Variants in KIAA0753 observed in about 807,000 individuals in gnomAD.
KIAA0753 encodes KIAA0753.
KIAA0753 carries 114 observed loss-of-function variants against 116.9 expected under a neutral mutation model. The ratio of observed to expected loss-of-function variants is 0.98; its 90% CI spans 0.84 to 1.14. KIAA0753 has a LOEUF of 1.14. KIAA0753 is among the 50% of genes most tolerant of loss of function. KIAA0753 has a pLI of 0.00. For missense variants in KIAA0753, 1,156 were observed against 1,172.4 expected, an observed-to-expected ratio of 0.99 and a Z score of 0.20; for synonymous variants, 405 against 413.1, an observed-to-expected ratio of 0.98 and a Z score of 0.24.
At chr17:6,599,447 G>C in intron 13 of KIAA0753, 127 bp from the exon 14 acceptor site, 2 of 657,976 alleles carry the variant, frequency 3.0e-6, no homozygotes. Context: ...TAGGCTTTTT[G>C]CAGCAATTCA....
At chr17:6,588,152 T>C (rs1051903656) in intron 18 of KIAA0753, among the ~76,000 whole-genome samples, 8 of 151,990 alleles carry the variant, frequency 5.3e-5, no homozygotes, top group Non-Finnish European at 7.4e-5. Flanking sequence ...TAAGTGACAA[T>C]CCCTTCCTCA....
intron 1 of KIAA0753, among the ~76,000 whole-genome samples, chr17:6,636,629 G>A (rs113697344): frequency 9.9e-5 from 15 of 151,782 alleles, no homozygotes; most frequent in African/African-American, 3.6e-4. Context: ...GTCCCAATTT[G>A]TCCCTCTACA....
intron 1 of KIAA0753, chr17:6,636,511 T>TAC (rs992160648): frequency 5.3e-5 from 8 of 152,160 alleles, no homozygotes; most frequent in Admixed American, 3.3e-4. Context: ...CACACACACA[T>TAC]ACACACACAC....
chr17:6,595,345 A>C (rs899471187), intron 15 of KIAA0753, among the ~76,000 whole-genome samples: 1 of 152,244 alleles, frequency 6.6e-6, no homozygotes, highest in Non-Finnish European at 1.5e-5. Context: ...CTGACTCCTT[A>C]GAGTGTATTT....
At chr17:6,640,125 C>G (rs1352549155) in intron 1 of KIAA0753, 1 of 152,616 alleles carries the variant, frequency 6.6e-6, no homozygotes, top group African/African-American at 2.4e-5. Flanking sequence ...CACAGCGCGT[C>G]TCCCACTCCG....
chr17:6,586,967 G>C lies in KIAA0753; in HGVS notation c.2786+2812C>G, dbSNP rs549583773. Among the ~76,000 whole-genome samples the C allele has an allele frequency of 5.3e-5, 8 of 152,306 alleles. No homozygotes were observed. In the South Asian group the frequency reaches 1.7e-3, roughly 32 times the overall value. Reference sequence around the variant, plus strand: ...ATAAACTAAAAAAGAAGAGATAGTGGCTCATGCCTGTAATCCCAGCACTTT... The same window carrying C: ...ATAAACTAAAAAAGAAGAGATAGTGCCTCATGCCTGTAATCCCAGCACTTT... On this transcript the variant is annotated intron_variant, in intron 18 of 18. Transcript: ENST00000361413.
intron 7 of KIAA0753, among the ~76,000 whole-genome samples, chr17:6,612,360 T>C (rs531344530): frequency 2.0e-5 from 3 of 152,324 alleles, no homozygotes; most frequent in Non-Finnish European, 4.4e-5. Context: ...CCCTGAATCT[T>C]CGCTATCATA....
intron 7 of KIAA0753, among the ~76,000 whole-genome samples, chr17:6,615,172 T>C (rs1970803134): frequency 6.6e-6 from 1 of 152,146 alleles, no homozygotes; most frequent in Non-Finnish European, 1.5e-5. Flanking sequence ...TGACCTCAGG[T>C]GATCCACCCA....
At position 6,608,373 on chromosome 17, in the gene KIAA0753, C is replaced by T. The variant is rs188289710; in HGVS notation, c.1804G>A (p.Gly602Ser). ...CTGGCTGCTTCATGCTCAACAGCAC[C>T]TGTCAGGTGACTTTCCTCTTGAGGA... is the stretch of plus-strand genomic sequence containing the variant. ...EDPQEESHLT[G>S]AVEHEAARLA... is the part of the protein sequence containing the mutation. The change falls in exon 10 of 19, where the codon GGT becomes AGT. Residue 602 changes from glycine to serine, a missense_variant. Physicochemically the swap from Gly to Ser is moderately conservative, Grantham distance 56. Transcript: ENST00000361413. The T allele has an allele frequency of 2.0e-5, 31 of 1,544,844 alleles. No homozygotes were observed. The Admixed American group carries it at 4.1e-4, about 20-fold the overall frequency.
chr17:6,621,112 A>T, intron 6 of KIAA0753, 114 bp from the exon 7 acceptor site: 1 of 833,684 alleles, frequency 1.2e-6, no homozygotes, highest in Non-Finnish European at 1.9e-6. Flanking sequence ...GGCTATCTCT[A>T]ACAGTTAACA....
chr17:6,616,510 T>C (rs1970945033), intron 7 of KIAA0753, among the ~76,000 whole-genome samples: 1 of 152,214 alleles, frequency 6.6e-6, no homozygotes, highest in South Asian at 2.1e-4. Flanking sequence ...AAGACTATCC[T>C]TCCCATTTTA....
At chr17:6,629,216 T>C (rs1030497548) in intron 2 of KIAA0753, among the ~76,000 whole-genome samples, 1 of 152,262 alleles carries the variant, frequency 6.6e-6, no homozygotes, top group African/African-American at 2.4e-5. Flanking sequence ...TCTTTTACCC[T>C]GCCCCTAAGT....
intron 15 of KIAA0753, among the ~76,000 whole-genome samples, chr17:6,595,795 T>G (rs1969425497): frequency 6.6e-6 from 1 of 152,198 alleles, no homozygotes. Flanking sequence ...AGGAGGCAAC[T>G]GAACAGTACG....
Position 6,610,147 on chromosome 17 carries a change from G to A in KIAA0753, c.1559C>T (p.Ala520Val), listed in dbSNP as rs1398665915. The A allele has an allele frequency of 1.2e-6, 2 of 1,613,972 alleles. No homozygotes were observed. Among genetic ancestry groups the A allele is most frequent in the African/African-American group, 1.3e-5 (1 of 74,900 alleles). Reference protein sequence around the residue: ...APARQQGLRKAERGRQSQPHS... With the variant: ...APARQQGLRKVERGRQSQPHS... The stretch of plus-strand genomic sequence containing the variant: ...AGGTTGGCTTTGTCTACCTCTTTCA[G>A]CTTTGCGGAGTCCCTGTGAGAGATA... Residue 520 changes from alanine to valine, a missense_variant, in exon 9 of 19, where the codon GCT becomes GTT. Transcript: ENST00000361413.
intron 18 of KIAA0753, among the ~76,000 whole-genome samples, chr17:6,580,506 T>C (rs35070175): frequency 0.23 from 34,190 of 151,638 alleles, 4,402 homozygotes; most frequent in East Asian, 0.41. Flanking sequence ...TTAGTAGAGA[T>C]GGGGTTTCAC....
intron 1 of KIAA0753, chr17:6,635,389 G>C (rs1010964965): frequency 4.6e-6 from 1 of 217,136 alleles, no homozygotes; most frequent in African/African-American, 2.8e-5. Context: ...AAAAAAATAG[G>C]GGAACACTTA....
chr17:6,621,126 TC>T, intron 6 of KIAA0753, 128 bp from the exon 7 acceptor site: 1 of 768,936 alleles, frequency 1.3e-6, no homozygotes. Context: ...GTTAACACAA[TC>T]TTAATTAAAA....
intron 9 of KIAA0753, among the ~76,000 whole-genome samples, chr17:6,608,842 C>T (rs191785745): frequency 1.3e-5 from 2 of 152,294 alleles, no homozygotes; most frequent in East Asian, 3.9e-4. Flanking sequence ...AGCCTAGAAG[C>T]CTCACCCACC....
intron 1 of KIAA0753, chr17:6,635,561 C>T (rs1336455521): frequency 6.5e-6 from 1 of 154,228 alleles, no homozygotes; most frequent in African/African-American, 2.4e-5. Flanking sequence ...AGTCTTAATA[C>T]TAGTCAGAAA....
Sources: allele counts gnomAD v4.1 joint callset (sites outside exome capture counted in the v4.1 genomes callset), GRCh38; gene constraint gnomAD v4.1.1; transcripts MANE v1.5; gene names NCBI Gene and HGNC (gene_info 2026-07-23, HGNC 2026-07-21).